SCAMP4: variants seen among roughly 807,000 people sequenced by gnomAD.
SCAMP4 encodes secretory carrier-associated membrane protein 4.
In SCAMP4, 19 loss-of-function variants were observed where a neutral mutation model predicts 32.1. The ratio of observed to expected loss-of-function variants is 0.59; its 90% CI spans 0.41 to 0.87. The LOEUF (loss-of-function observed/expected upper bound fraction) is 0.87. SCAMP4 is among the 40% of genes least tolerant of loss of function. The pLI is 0.00. For synonymous variants in SCAMP4, 152 were observed against 132.7 expected (o/e 1.15, Z -1.00); for missense variants, 302 against 309.0 (o/e 0.98, Z 0.17).
rs1252947972 is a variant in SCAMP4, at chr19:1,920,396, ACTC to A, written c.395+1410_395+1412del. On this transcript the variant is annotated intron_variant, in intron 5 of 6. Coordinates refer to ENST00000316097, the MANE Select transcript of SCAMP4 (RefSeq NM_079834.4). ...AGGTCCCAGGTTTCCTGGGATGGTG[ACTC>A]CTCTCCCTTCAGGGCCCCTCGATCT... The A allele has an allele frequency of 5.2e-6, 4 of 774,998 alleles. No homozygotes were observed. The African/African-American group carries it at 7.6e-5, about 15-fold the overall frequency. The allele number at this position is 774,998 out of a possible 1,614,324, so 48.0% of individuals were successfully genotyped here.
rs890218041 is a variant in SCAMP4 at position 1,908,063 on chromosome 19, G to A, written c.-42+2624G>A. ...AGGTTGTACTCTTGGAGGGACAAGCGAGGCTGTGTTTGTCTTTTACCCTGG... is the reference window on the plus strand; with the variant it reads ...AGGTTGTACTCTTGGAGGGACAAGCAAGGCTGTGTTTGTCTTTTACCCTGG... On this transcript the variant is annotated intron_variant, in intron 1 of 6. Transcript: ENST00000316097. This position sits in a 1 kb window ranked among gnomAD's most constrained non-coding sequence, Gnocchi z 4.2. 1.7e-5 allele frequency: 3 copies of A among 171,500 alleles called. No homozygotes were observed. Among genetic ancestry groups the A allele is most frequent in the East Asian group, 1.8e-4 (1 of 5,444 alleles). 10.6% of individuals were successfully genotyped at this position (171,500 alleles called of 1,614,324 possible). A position where few individuals can be genotyped will look rare whatever the true frequency, so the allele number is the denominator to read the frequency against.
At position 1,905,422 on chromosome 19, in the gene SCAMP4, C is replaced by T. The variant is rs2013046363; in HGVS notation, c.-59C>T. The stretch of plus-strand genomic sequence containing the variant: ...CTAAGACTTGGCGAAGCGCTGCGCT[C>T]GCGCCCGGATCCCTCAGGTAAGCGC... On this transcript the variant is annotated 5_prime_UTR_variant, in exon 1 of 7. Transcript: ENST00000316097. 2.2e-6 allele frequency: 1 copy of T among 463,146 alleles called. No homozygotes were observed. The highest frequency in any genetic ancestry group is 4.5e-6 in the Non-Finnish European group (1 of 223,668). The allele number at this position is 463,146 out of a possible 1,614,324, so 28.7% of individuals were successfully genotyped here. A position where few individuals can be genotyped will look rare whatever the true frequency, so the allele number is the denominator to read the frequency against.
In SCAMP4 at chr19:1,925,130, C is replaced by G. The variant is rs1262103635; in HGVS notation, c.*846C>G. On this transcript the variant is annotated 3_prime_UTR_variant, in exon 7 of 7. Transcript: ENST00000316097. ...TTTCTCTTTTGAGACAAGAGTTTCA[C>G]TCTGTCGCCCAGGCTGGAGTGCAGT... is the stretch of plus-strand genomic sequence containing the variant. 2.0e-5 allele frequency: 3 copies of G among 152,102 alleles called. No individual in the cohort carries two copies. Among genetic ancestry groups the G allele is most frequent in the Non-Finnish European group, 4.4e-5 (3 of 68,156 alleles). 9.4% of individuals were successfully genotyped at this position (152,102 alleles called of 1,614,324 possible). A position where few individuals can be genotyped will look rare whatever the true frequency, so the allele number is the denominator to read the frequency against.
intron 2 of SCAMP4, among the ~76,000 whole-genome samples, chr19:1,917,372 A>G (rs548568938): frequency 6.6e-6 from 1 of 152,378 alleles, no homozygotes; most frequent in East Asian, 1.9e-4. Context: ...TCTGGAGACC[A>G]GAAACGCTAA....
At chr19:1,912,968 C>T in intron 1 of SCAMP4, 6 of 1,609,750 alleles carry the variant, frequency 3.7e-6, no homozygotes, top group Non-Finnish European at 4.2e-6. Flanking sequence ...GCGAGCCCTG[C>T]GCCATGTGCG....
In SCAMP4 at chr19:1,912,820, A is replaced by G. The variant is rs774018779; in HGVS notation, c.-41-2159A>G. ...CGCGGCCAGGGCCGCGGCACCTACG[A>G]CTTCAGACCCTTCCCCGCCTGCTCC... On this transcript the variant is annotated intron_variant, in intron 1 of 6. Coordinates refer to ENST00000316097, the MANE Select transcript of SCAMP4 (RefSeq NM_079834.4). 18 of 1,587,606 alleles carry G rather than the reference A, an allele frequency of 1.1e-5. No individual in the cohort carries two copies. Among genetic ancestry groups the G allele is most frequent in the Non-Finnish European group, 1.5e-5 (18 of 1,174,524 alleles).
intron 1 of SCAMP4, among the ~76,000 whole-genome samples, chr19:1,909,594 TGTCCTCACCTGTGCCAGC>T (rs2013328506): frequency 1.0e-5 from 1 of 99,718 alleles, no homozygotes; most frequent in African/African-American, 5.2e-5. Flanking sequence ...GCAGCAGGGA[TGTCCTCACCTGTGCCAGC>T]GGCAGGGATG....
chr19:1,914,941 A>G (rs11084918), intron 1 of SCAMP4, 38 bp from the exon 2 acceptor site: 1,450,927 of 1,572,608 alleles, frequency 0.92, 669,945 homozygotes, highest in Non-Finnish European at 0.93. Context: ...TGCCCAGGGC[A>G]GCTCAGGGTT....
chr19:1,910,044 C>T (rs973648432), intron 1 of SCAMP4, among the ~76,000 whole-genome samples: 7 of 152,352 alleles, frequency 4.6e-5, no homozygotes, highest in East Asian at 1.9e-4. Context: ...GTGTCCCCCA[C>T]ACTTGGCATG....
At position 1,917,791 on chromosome 19, in the gene SCAMP4, C is replaced by A. The variant is rs775265708; in HGVS notation, c.105C>A (p.Val35=). The change falls in exon 3 of 7, where the codon GTC becomes GTA. Residue 35 remains valine (V), a synonymous_variant. Transcript: ENST00000316097. The part of the protein sequence containing the change: ...FSDEIPVEHQ[V]LVKRIYRLWM... ...ACGAGATCCCAGTGGAGCACCAGGT[C>A]CTGGTGAAGAGGATCTACCGGCTGT... is the stretch of plus-strand genomic sequence containing the variant. The A allele has an allele frequency of 5.0e-6, 8 of 1,613,924 alleles. No homozygotes were observed. In the East Asian group the frequency reaches 6.7e-5, roughly 13 times the overall value.
At position 1,924,057 on chromosome 19, in the gene SCAMP4, G is replaced by A. The variant is rs372448954; in HGVS notation, c.514-51G>A. The A allele has an allele frequency of 1.2e-4, 183 of 1,536,070 alleles. 2 individuals are homozygous for A. Among genetic ancestry groups the A allele is most frequent in the Non-Finnish European group, 1.5e-4 (171 of 1,133,168 alleles). ...TGACAGGCGTGAGTCCCCGTGCCCG[G>A]CCGCCATGCTCATTTTCTGTCTTCT... On this transcript the variant is annotated intron_variant, in intron 6 of 6. Coordinates refer to ENST00000316097, the MANE Select transcript of SCAMP4 (RefSeq NM_079834.4).
At chr19:1,905,776 G>C (rs992751172) in intron 1 of SCAMP4, 1 of 152,410 alleles carries the variant, frequency 6.6e-6, no homozygotes, top group Non-Finnish European at 1.5e-5. Context: ...CCTTCCTCAG[G>C]TCATGTCCCG....
intron 1 of SCAMP4, chr19:1,914,615 T>G: frequency 7.0e-6 from 2 of 284,644 alleles, no homozygotes; most frequent in Non-Finnish European, 1.4e-5. Context: ...GCGGATGCGA[T>G]GGGGTCTTAG....
intron 1 of SCAMP4, among the ~76,000 whole-genome samples, chr19:1,909,475 T>C (rs569233314): frequency 3.3e-5 from 5 of 151,856 alleles, no homozygotes; most frequent in Non-Finnish European, 5.9e-5. Context: ...GGGATGGTAA[T>C]GGCTCTACTA....
In SCAMP4 at chr19:1,919,587, C is replaced by T. The variant is rs2013854743; in HGVS notation, c.395+597C>T. The T allele has an allele frequency of 7.1e-6, 3 of 420,792 alleles. No individual in the cohort carries two copies. In the South Asian group the frequency reaches 2.9e-4, roughly 41 times the overall value. The allele number at this position is 420,792 out of a possible 1,614,324, so 26.1% of individuals were successfully genotyped here. A position where few individuals can be genotyped will look rare whatever the true frequency, so the allele number is the denominator to read the frequency against. The stretch of plus-strand genomic sequence containing the variant: ...TCTCAGCTCACTGCAACCTCCACAT[C>T]CTGGGTTCAAGCAATTCTCCTGCCT... On this transcript the variant is annotated intron_variant, in intron 5 of 6. Transcript: ENST00000316097.
intron 5 of SCAMP4, chr19:1,922,706 A>G: frequency 5.0e-6 from 5 of 996,038 alleles, no homozygotes; most frequent in Non-Finnish European, 6.0e-6. Flanking sequence ...GAGTCTTTCC[A>G]TGGCTGGTGC....
intron 1 of SCAMP4, among the ~76,000 whole-genome samples, chr19:1,907,612 C>T (rs376151918): frequency 6.6e-6 from 1 of 152,136 alleles, no homozygotes; most frequent in South Asian, 2.1e-4. Context: ...AGATAAAGGC[C>T]TCCCAGCCTC....
At chr19:1,918,865 G>A (rs934537297) in intron 4 of SCAMP4, 24 bp from the exon 5 acceptor site, 15 of 1,584,526 alleles carry the variant, frequency 9.5e-6, no homozygotes, top group African/African-American at 9.4e-5. Context: ...TGTGGTAACC[G>A]TCGTGTTTTC....
rs376936584 is a variant in SCAMP4, at chr19:1,915,091, C to T, written c.7+65C>T. 135 of 1,600,632 alleles carry T rather than the reference C, an allele frequency of 8.4e-5. No individual in the cohort carries two copies. In the African/African-American group the frequency reaches 1.1e-3, roughly 14 times the overall value. On this transcript the variant is annotated intron_variant, in intron 2 of 6. Coordinates refer to ENST00000316097, the MANE Select transcript of SCAMP4 (RefSeq NM_079834.4). ...GGGAGGGAGATGCCAGCAGTTCCCA[C>T]AGGAGCCCTCGGTCCTGGCCGTTGG...
Sources: allele counts gnomAD v4.1 joint callset (sites outside exome capture counted in the v4.1 genomes callset), GRCh38; gene constraint gnomAD v4.1.1; non-coding constraint Gnocchi (gnomAD v3.1); transcripts MANE v1.5; gene names NCBI Gene and HGNC (gene_info 2026-07-23, HGNC 2026-07-21).